CDS1: variants seen among roughly 807,000 people sequenced by gnomAD.
The protein encoded by CDS1 is phosphatidate cytidylyltransferase 1.
A neutral mutation model predicts 62.1 loss-of-function variants in CDS1; 41 were observed. That is an observed-to-expected ratio of 0.66 (90% CI 0.51 to 0.86). CDS1 has a LOEUF of 0.86. Ranked by LOEUF, CDS1 falls within the 40% of genes least tolerant of loss-of-function variation. CDS1 has a pLI of 0.00. For missense variants in CDS1, 470 were observed against 550.1 expected, an observed-to-expected ratio of 0.85 and a Z score of 1.46; for synonymous variants, 185 against 192.6, an observed-to-expected ratio of 0.96 and a Z score of 0.32.
chr4:84,620,023 T>TAAAA (rs34828724), intron 5 of CDS1, among the ~76,000 whole-genome samples: 2 of 121,390 alleles, frequency 1.6e-5, no homozygotes, highest in Non-Finnish European at 3.5e-5. Flanking sequence ...AACTCTTATC[T>TAAAA]AAAAAAAAAA....
chr4:84,595,472 T>C (rs1306470319), intron 1 of CDS1, among the ~76,000 whole-genome samples: 1 of 152,190 alleles, frequency 6.6e-6, no homozygotes, highest in Non-Finnish European at 1.5e-5. Context: ...TAGTATGCTG[T>C]ATTGTTTAGA....
At chr4:84,621,444 A>G (rs1231923057) in intron 5 of CDS1, among the ~76,000 whole-genome samples, 1 of 152,202 alleles carries the variant, frequency 6.6e-6, no homozygotes, top group East Asian at 1.9e-4. Flanking sequence ...TAGGCCTTCT[A>G]ATTCTAAAAA....
At chr4:84,612,605 T>G (rs1487872251) in intron 3 of CDS1, among the ~76,000 whole-genome samples, 1 of 152,234 alleles carries the variant, frequency 6.6e-6, no homozygotes, top group Non-Finnish European at 1.5e-5. Context: ...TGAGTTTTTT[T>G]GTTTATTTTT....
At chr4:84,629,325 G>T in intron 5 of CDS1, among the ~76,000 whole-genome samples, 1 of 150,320 alleles carries the variant, frequency 6.7e-6, no homozygotes. Context: ...TTGCATCTCT[G>T]GAGTCAACCA....
At chr4:84,619,758 T>G (rs1425748671) in intron 5 of CDS1, among the ~76,000 whole-genome samples, 2 of 151,840 alleles carry the variant, frequency 1.3e-5, no homozygotes, top group Non-Finnish European at 2.9e-5. Context: ...CCAGGCCGGG[T>G]GCGGTGGCTC....
intron 2 of CDS1, among the ~76,000 whole-genome samples, chr4:84,607,446 C>G (rs1214464697): frequency 6.6e-6 from 1 of 151,800 alleles, no homozygotes; most frequent in Non-Finnish European, 1.5e-5. Context: ...CCCCCCGCCC[C>G]TCAGTATCGG....
intron 1 of CDS1, among the ~76,000 whole-genome samples, chr4:84,602,509 C>T (rs1465125945): frequency 1.3e-5 from 2 of 152,132 alleles, no homozygotes; most frequent in Non-Finnish European, 2.9e-5. Context: ...TGCTGTTTGT[C>T]TCACTGCTAG....
chr4:84,651,285 G>C lies in CDS1; in HGVS notation c.*2599G>C, dbSNP rs1312799181. On this transcript the variant is annotated 3_prime_UTR_variant, in exon 13 of 13. Transcript: ENST00000295887. ...TATGATGTGTGTCAATCAGTTCTCT[G>C]AATCTTTTACTGAAACTGAGACAGG... 4 of 152,132 alleles carry C rather than the reference G, an allele frequency of 2.6e-5. No individual in the cohort carries two copies. The highest frequency in any genetic ancestry group is 9.7e-5 in the African/African-American group (4 of 41,428). 9.4% of individuals were successfully genotyped at this position (152,132 alleles called of 1,614,324 possible).
At chr4:84,607,826 A>G (rs1230080025) in intron 2 of CDS1, among the ~76,000 whole-genome samples, 1 of 152,248 alleles carries the variant, frequency 6.6e-6, no homozygotes, top group African/African-American at 2.4e-5. Flanking sequence ...CTTGTAACAT[A>G]ATTTAAATGC....
chr4:84,630,581 T>C (rs1420839990), intron 5 of CDS1, among the ~76,000 whole-genome samples: 8 of 152,220 alleles, frequency 5.3e-5, no homozygotes, highest in Admixed American at 5.2e-4. Context: ...GTACAAAGTC[T>C]AGTATTTATA....
In CDS1 at chr4:84,609,542, T is replaced by C. The variant is rs779650106; in HGVS notation, c.342+17T>C. ...ATGCTTCTTGTAAGTTTTTGACTTT[T>C]CCCTGAGTGTCTCTTGCTTTGTTTT... is the stretch of plus-strand genomic sequence containing the variant. On this transcript the variant is annotated intron_variant, in intron 3 of 12. Coordinates refer to ENST00000295887, the MANE Select transcript of CDS1 (RefSeq NM_001263.4). 7.6e-6 allele frequency: 10 copies of C among 1,313,774 alleles called. No homozygotes were observed. In the South Asian group the frequency reaches 1.2e-4, roughly 16 times the overall value. 81.4% of individuals were successfully genotyped at this position (1,313,774 alleles called of 1,614,324 possible).
intron 6 of CDS1, 143 bp downstream of exon 6, chr4:84,632,020 T>C: frequency 1.8e-6 from 1 of 542,836 alleles, no homozygotes; most frequent in Non-Finnish European, 3.3e-6. Flanking sequence ...AGATGACCAT[T>C]AGATATAAAC....
intron 11 of CDS1, among the ~76,000 whole-genome samples, chr4:84,643,687 C>T (rs1724465353): frequency 6.6e-6 from 1 of 152,204 alleles, no homozygotes; most frequent in Non-Finnish European, 1.5e-5. Context: ...AATGAATGGG[C>T]ATGGCTGGAT....
At chr4:84,623,302 T>C (rs1455750946) in intron 5 of CDS1, among the ~76,000 whole-genome samples, 1 of 152,218 alleles carries the variant, frequency 6.6e-6, no homozygotes, top group African/African-American at 2.4e-5. Context: ...AGTTGTCTTA[T>C]GTTTGTGCAT....
In CDS1 at chr4:84,593,298, A is replaced by G. The variant is rs796226779; in HGVS notation, c.117+9780A>G. On this transcript the variant is annotated intron_variant, in intron 1 of 12. Coordinates refer to ENST00000295887, the MANE Select transcript of CDS1 (RefSeq NM_001263.4). ...ATACAAGAAGATAAGGATACTAGCTAGCGATCTGGGTGACTTATCCCCTCA... is the reference window on the plus strand; with the variant it reads ...ATACAAGAAGATAAGGATACTAGCTGGCGATCTGGGTGACTTATCCCCTCA... 4.7e-4 allele frequency among the ~76,000 whole-genome samples: 71 copies of G among 152,280 alleles called. 1 individual carries two copies. The highest frequency in any genetic ancestry group is 1.6e-3 in the African/African-American group (66 of 41,558).
intron 5 of CDS1, among the ~76,000 whole-genome samples, chr4:84,621,869 T>C (rs1247500507): frequency 2.0e-5 from 3 of 152,222 alleles, no homozygotes; most frequent in African/African-American, 7.2e-5. Context: ...ACTCATATGA[T>C]GGTAGTTGGT....
At chr4:84,619,592 T>C in intron 5 of CDS1, 59 bp downstream of exon 5, 1 of 1,013,530 alleles carries the variant, frequency 9.9e-7, no homozygotes, top group Non-Finnish European at 1.4e-6. Flanking sequence ...TGTTTATTTT[T>C]ATTTCTGTTA....
At chr4:84,601,692 C>T (rs936814295) in intron 1 of CDS1, among the ~76,000 whole-genome samples, 2 of 152,154 alleles carry the variant, frequency 1.3e-5, no homozygotes, top group African/African-American at 4.8e-5. Context: ...GCGGGCGGAT[C>T]ACCTGAGGTC....
chr4:84,613,379 C>T (rs1238621348), intron 3 of CDS1, among the ~76,000 whole-genome samples: 8 of 152,084 alleles, frequency 5.3e-5, no homozygotes, highest in South Asian at 2.1e-4. Context: ...GAGGGTAAGG[C>T]GGGCAGATTG....
Sources: allele counts gnomAD v4.1 joint callset (sites outside exome capture counted in the v4.1 genomes callset), GRCh38; gene constraint gnomAD v4.1.1; transcripts MANE v1.5; gene names NCBI Gene and HGNC (gene_info 2026-07-23, HGNC 2026-07-21).